Variants in COL5A2 observed in about 807,000 individuals in gnomAD.
The protein encoded by COL5A2 is collagen type V alpha 2 chain.
COL5A2 carries 23 observed loss-of-function variants against 208.2 expected under a neutral mutation model. The observed-to-expected ratio is 0.11, with a 90% CI of 0.08 to 0.16. The LOEUF is 0.16. COL5A2 is among the 10% of genes least tolerant of loss of function. The probability of loss-of-function intolerance (pLI) is 1.00; values close to 1 mark genes in which losing one functional copy is unlikely to be tolerated. For synonymous variants in COL5A2, 625 were observed against 628.5 expected (o/e 0.99, Z 0.08); for missense variants, 1,590 against 1,956.4 (o/e 0.81, Z 3.53).
chr2:189,381,583 AAAT>A, the COL5A2 span, among the ~76,000 whole-genome samples: 77 of 152,228 alleles, frequency 5.1e-4, 1 homozygote, highest in Non-Finnish European at 4.6e-4. Flanking sequence ...TTTCTATGAA[AAAT>A]AATAATTCTA....
intron 1 of COL5A2, among the ~76,000 whole-genome samples, chr2:189,169,823 G>T (rs1157188844): frequency 6.6e-6 from 1 of 152,208 alleles, no homozygotes; most frequent in Admixed American, 6.5e-5. Context: ...CAATTCTCCT[G>T]CCTCAGCTTC....
chr2:189,180,041 A>G (rs1688754252), upstream of COL5A2, among the ~76,000 whole-genome samples: 1 of 151,902 alleles, frequency 6.6e-6, no homozygotes. Context: ...AAAGGGTTCT[A>G]TTTTCCCCTC....
At chr2:189,262,288 G>GA in the COL5A2 span, among the ~76,000 whole-genome samples, 2 of 151,964 alleles carry the variant, frequency 1.3e-5, no homozygotes, top group African/African-American at 4.8e-5. Flanking sequence ...CCTACCTTCA[G>GA]TTTTTTTCTC....
rs760537680 is a variant in COL5A2 at position 189,058,502 on chromosome 2, C to T, written c.2156G>A (p.Arg719Lys). Residue 719 changes from arginine to lysine, a missense_variant, in exon 33 of 54, where the codon AGA becomes AAA. Physicochemically the swap from Arg to Lys is conservative, Grantham distance 26 (BLOSUM62 2). Transcript: ENST00000374866. ...PRGERGNPGE[R>K]GEPGITGLPG... ...GAGTCCAGTTATCCCAGGTTCTCCT[C>T]TTTCCCCAGGATTTCCTCGTTCTCC... 2 of 1,614,070 alleles carry T rather than the reference C, an allele frequency of 1.2e-6. No homozygotes were observed. The highest frequency in any genetic ancestry group is 1.7e-5 in the Admixed American group (1 of 60,016).
the COL5A2 span, among the ~76,000 whole-genome samples, chr2:189,256,490 T>C: frequency 6.6e-6 from 1 of 152,146 alleles, no homozygotes. Context: ...TCCTGATCTC[T>C]TGGGAAAGCA....
chr2:189,066,189 A>C (rs1686144319), intron 23 of COL5A2, among the ~76,000 whole-genome samples: 1 of 152,214 alleles, frequency 6.6e-6, no homozygotes, highest in Non-Finnish European at 1.5e-5. Flanking sequence ...ATTGGCATAG[A>C]CTAGTGATTT....
intron 1 of COL5A2, among the ~76,000 whole-genome samples, chr2:189,115,360 T>C (rs1291208287): frequency 6.6e-6 from 1 of 151,778 alleles, no homozygotes; most frequent in Non-Finnish European, 1.5e-5. Context: ...GCCAACTATA[T>C]GGTATGCCCT....
chr2:189,248,991 G>T, the COL5A2 span, among the ~76,000 whole-genome samples: 102 of 152,138 alleles, frequency 6.7e-4, no homozygotes, highest in African/African-American at 2.3e-3. Context: ...ATTAATAGTT[G>T]GCTTAACCCA....
chr2:189,035,912 C>T (rs1354414961), intron 52 of COL5A2, among the ~76,000 whole-genome samples: 1 of 152,064 alleles, frequency 6.6e-6, no homozygotes. Flanking sequence ...AAAGGCCAGA[C>T]AGTTGTCTGA....
the COL5A2 span, among the ~76,000 whole-genome samples, chr2:189,296,173 A>G: frequency 1.3e-5 from 2 of 152,052 alleles, no homozygotes; most frequent in Admixed American, 1.3e-4. Flanking sequence ...GTGTTTCTCA[A>G]GTTTAGCCAA....
At chr2:189,186,457 T>A (rs1487999022) in intron 1 of COL5A2, among the ~76,000 whole-genome samples, 1 of 152,204 alleles carries the variant, frequency 6.6e-6, no homozygotes, top group Non-Finnish European at 1.5e-5. Context: ...TTTATATGTA[T>A]TAACTAATTT....
At chr2:189,290,253 G>A in the COL5A2 span, among the ~76,000 whole-genome samples, 3 of 152,282 alleles carry the variant, frequency 2.0e-5, no homozygotes, top group South Asian at 2.1e-4. Context: ...GTAAGCACAC[G>A]CTATGATGTT....
chr2:189,382,066 C>T, the COL5A2 span, among the ~76,000 whole-genome samples: 226 of 152,102 alleles, frequency 1.5e-3, 1 homozygote, highest in East Asian at 0.031. Flanking sequence ...TTTCCATATC[C>T]ATTAAACTTA....
chr2:189,062,337 C>A (rs536164376), intron 29 of COL5A2, among the ~76,000 whole-genome samples: 2 of 152,130 alleles, frequency 1.3e-5, no homozygotes, highest in South Asian at 4.2e-4. Flanking sequence ...GCACATGCCA[C>A]CATGCCAGGC....
chr2:189,258,390 C>T, the COL5A2 span, among the ~76,000 whole-genome samples: 1 of 152,140 alleles, frequency 6.6e-6, no homozygotes, highest in Non-Finnish European at 1.5e-5. Context: ...AATTTTATAT[C>T]CAAAATAACT....
the COL5A2 span, among the ~76,000 whole-genome samples, chr2:189,416,262 G>GT: frequency 6.6e-6 from 1 of 152,172 alleles, no homozygotes; most frequent in Non-Finnish European, 1.5e-5. Context: ...ACAAGCACAT[G>GT]TATGTTTATT....
the COL5A2 span, among the ~76,000 whole-genome samples, chr2:189,282,621 A>G: frequency 6.6e-6 from 1 of 152,202 alleles, no homozygotes; most frequent in Non-Finnish European, 1.5e-5. Context: ...TTCATATGAC[A>G]ACATACAAAA....
the COL5A2 span, among the ~76,000 whole-genome samples, chr2:189,272,648 C>G: frequency 6.6e-6 from 1 of 152,064 alleles, no homozygotes; most frequent in African/African-American, 2.4e-5. Context: ...TATCCCAGAA[C>G]TTAAAGTATA....
chr2:189,313,360 A>G, the COL5A2 span, among the ~76,000 whole-genome samples: 1 of 152,200 alleles, frequency 6.6e-6, no homozygotes, highest in Admixed American at 6.6e-5. Context: ...TAAATGAAGG[A>G]GAAATAAGAT....
Sources: gnomAD v4.1 joint callset for allele counts (sites outside exome capture counted in the v4.1 genomes callset) on GRCh38, gnomAD v4.1.1 for gene constraint, MANE v1.5 for transcripts, NCBI Gene and HGNC (gene_info 2026-07-23, HGNC 2026-07-21) for gene names.